The following C12orf42 variants were observed in gnomAD, a reference collection of about 807,000 sequenced individuals.
C12orf42 encodes the protein chromosome 12 open reading frame 42.
In C12orf42, 25 loss-of-function variants were observed where a neutral mutation model predicts 21.6. That is an observed-to-expected ratio of 1.16 (90% CI 0.84 to 1.62). C12orf42 has a LOEUF of 1.62. Among genes scored for constraint, C12orf42 ranks in the 40% most tolerant of loss-of-function variants. The pLI is 0.00. For missense variants in C12orf42, 483 were observed against 459.3 expected (o/e 1.05, Z -0.47); for synonymous variants, 174 against 175.0 (o/e 0.99, Z 0.05).
chr12:103,437,444 C>CA (rs1174260675), intron 2 of C12orf42, among the ~76,000 whole-genome samples: 1 of 151,574 alleles, frequency 6.6e-6, no homozygotes, highest in Non-Finnish European at 1.5e-5. Context: ...AAAAACCCTT[C>CA]AAAAAATTAA....
intron 10 of C12orf42, among the ~76,000 whole-genome samples, chr12:103,248,653 T>C (rs2034130910): frequency 1.3e-5 from 2 of 151,888 alleles, no homozygotes; most frequent in Non-Finnish European, 2.9e-5. Context: ...ATTAAGGAAG[T>C]GAATTTGTAG....
rs754837462 is a variant in C12orf42, at chr12:103,302,586, CAG to C, written c.632-29_632-28del. 9 of 1,576,180 alleles carry C rather than the reference CAG, an allele frequency of 5.7e-6. No homozygotes were observed. In the Admixed American group the frequency reaches 1.6e-4, roughly 28 times the overall value. On this transcript the variant is annotated intron_variant, in intron 5 of 5. Coordinates refer to ENST00000548883, the MANE Select transcript of C12orf42 (RefSeq NM_198521.5). ...TGGAAGGCAAAGCAGGAAAGCAGGA[CAG>C]AGATGAGGCTCAAGCGTGCGGGACC...
chr12:103,068,244 A>G, the C12orf42 span, among the ~76,000 whole-genome samples: 1 of 152,230 alleles, frequency 6.6e-6, no homozygotes, highest in South Asian at 2.1e-4. Context: ...TACTAAGAAA[A>G]TACCTTCATT....
intron 3 of C12orf42, among the ~76,000 whole-genome samples, chr12:103,382,475 C>G (rs1566200154): frequency 6.6e-6 from 1 of 152,196 alleles, no homozygotes; most frequent in African/African-American, 2.4e-5. Context: ...AGTGTATTTC[C>G]TGCCCCAAAA....
At chr12:103,369,932 G>A (rs1392267861) in intron 3 of C12orf42, among the ~76,000 whole-genome samples, 1 of 152,042 alleles carries the variant, frequency 6.6e-6, no homozygotes, top group Non-Finnish European at 1.5e-5. Flanking sequence ...TATCAACAGA[G>A]TAAACAGACA....
rs141792791 is a variant in C12orf42 at position 103,242,497 on chromosome 12, CCT to C, written c.*1367-4597_*1367-4596del. On this transcript the variant is annotated intron_variant and NMD_transcript_variant, in intron 10 of 10. Coordinates refer to the C12orf42 transcript ENST00000547347. ...TGAAATATTGTTTTTAATACTTCAC[CCT>C]GTCTTTTTAAAAAGTTCTTTATTAC... 2.7e-3 allele frequency among the ~76,000 whole-genome samples: 417 copies of C among 151,852 alleles called. 4 individuals are homozygous for C. The highest frequency in any genetic ancestry group is 9.5e-3 in the African/African-American group (394 of 41,414).
intron 2 of C12orf42, among the ~76,000 whole-genome samples, chr12:103,425,802 T>A (rs1057020120): frequency 3.3e-5 from 5 of 151,740 alleles, no homozygotes; most frequent in Admixed American, 2.0e-4. Context: ...TTCCCTACCC[T>A]GAGGTGAGGA....
chr12:103,384,528 CAT>C (rs2046445598), intron 3 of C12orf42, among the ~76,000 whole-genome samples: 1 of 152,230 alleles, frequency 6.6e-6, no homozygotes, highest in African/African-American at 2.4e-5. Flanking sequence ...AAAGGTAACA[CAT>C]GTAAAATACA....
chr12:103,351,302 C>A (rs1464230899), intron 4 of C12orf42, among the ~76,000 whole-genome samples: 1 of 152,080 alleles, frequency 6.6e-6, no homozygotes, highest in African/African-American at 2.4e-5. Flanking sequence ...CAACCTGTAA[C>A]CTATCCAACT....
chr12:103,479,608 T>A (rs1954316318), intron 1 of C12orf42, among the ~76,000 whole-genome samples: 1 of 152,122 alleles, frequency 6.6e-6, no homozygotes. Context: ...AGTAAATTTT[T>A]CTTCTATTCC....
chr12:103,108,341 G>C, the C12orf42 span, among the ~76,000 whole-genome samples: 1 of 151,986 alleles, frequency 6.6e-6, no homozygotes, highest in Non-Finnish European at 1.5e-5. Context: ...CATAGCAAAA[G>C]TAGACAAATC....
intron 2 of C12orf42, among the ~76,000 whole-genome samples, chr12:103,423,712 T>G (rs950289111): frequency 6.6e-6 from 1 of 152,172 alleles, no homozygotes; most frequent in African/African-American, 2.4e-5. Context: ...ACGACAGACT[T>G]GACAGATATT....
At chr12:103,113,089 A>T in the C12orf42 span, among the ~76,000 whole-genome samples, 8 of 150,668 alleles carry the variant, frequency 5.3e-5, no homozygotes, top group African/African-American at 2.0e-4. Context: ...ATTCAGCTTG[A>T]CCCATCTTTT....
At chr12:103,112,646 G>A in the C12orf42 span, among the ~76,000 whole-genome samples, 1 of 152,136 alleles carries the variant, frequency 6.6e-6, no homozygotes, top group Non-Finnish European at 1.5e-5. Context: ...GGGCAACAGA[G>A]TGAGATTCTG....
At position 103,320,654 on chromosome 12, in the gene C12orf42, A is replaced by G. The variant is rs114482570; in HGVS notation, c.260-14309T>C. ...CAATTGTGCTTAGAGACGGTTCTACATTCAATATTAGAGATATGGGGTTCT... is the reference window on the plus strand; with the variant it reads ...CAATTGTGCTTAGAGACGGTTCTACGTTCAATATTAGAGATATGGGGTTCT... On this transcript the variant is annotated intron_variant, in intron 4 of 5. Coordinates refer to ENST00000548883, the MANE Select transcript of C12orf42 (RefSeq NM_198521.5). Among the ~76,000 whole-genome samples the G allele has an allele frequency of 4.2e-3, 641 of 152,328 alleles. 4 individuals carry two copies. The highest frequency in any genetic ancestry group is 0.015 in the African/African-American group (625 of 41,560).
the C12orf42 span, among the ~76,000 whole-genome samples, chr12:103,075,899 C>CT: frequency 1.3e-5 from 2 of 152,040 alleles, no homozygotes; most frequent in Admixed American, 6.6e-5. Context: ...GACTGGGACA[C>CT]TTTTTTTAGG....
chr12:103,168,556 T>C, the C12orf42 span, among the ~76,000 whole-genome samples: 1 of 152,210 alleles, frequency 6.6e-6, no homozygotes, highest in Non-Finnish European at 1.5e-5. Context: ...GGATGAGAGC[T>C]AAAATATTAT....
At chr12:103,351,255 G>A (rs969571490) in intron 4 of C12orf42, among the ~76,000 whole-genome samples, 5 of 152,242 alleles carry the variant, frequency 3.3e-5, no homozygotes, top group African/African-American at 9.6e-5. Flanking sequence ...ATCAAATGTA[G>A]CCAACTGTTT....
intron 5 of C12orf42, 34 bp from the exon 6 acceptor site, chr12:103,302,593 G>C (rs1301881545): frequency 6.4e-7 from 1 of 1,563,204 alleles, no homozygotes; most frequent in African/African-American, 1.4e-5. Context: ...GGACAGAGAT[G>C]AGGCTCAAGC....
Sources: gnomAD v4.1 joint callset for allele counts (sites outside exome capture counted in the v4.1 genomes callset) on GRCh38, gnomAD v4.1.1 for gene constraint, MANE v1.5 for transcripts, NCBI Gene and HGNC (gene_info 2026-07-23, HGNC 2026-07-21) for gene names.